The following BDH1 variants were observed in gnomAD, a reference collection of about 807,000 sequenced individuals.
The protein encoded by BDH1 is 3-hydroxybutyrate dehydrogenase 1, also known as D-beta-hydroxybutyrate dehydrogenase, mitochondrial.
BDH1 carries 30 observed loss-of-function variants against 33.1 expected under a neutral mutation model. The ratio of observed to expected loss-of-function variants is 0.91; its 90% CI spans 0.68 to 1.23. The LOEUF is 1.23. BDH1 is among the 50% of genes most tolerant of loss of function. The pLI is 0.00. For missense variants in BDH1, 443 were observed against 464.4 expected (o/e 0.95, Z 0.42); for synonymous variants, 190 against 183.6 (o/e 1.03, Z -0.28).
rs1185091040 is a variant in BDH1, at chr3:197,516,462, C to T, written c.410-2046G>A. On this transcript the variant is annotated intron_variant, in intron 6 of 7. Transcript: ENST00000392379. This position sits in a 1 kb window ranked among gnomAD's most constrained non-coding sequence, Gnocchi z 4.2. ...TGTTGAGAGTGGTGGACCTAGTTGC[C>T]ATCTGGAATCCTCAGCCAATGTTCT... Among the ~76,000 whole-genome samples, 2 of 152,140 alleles carry T rather than the reference C, an allele frequency of 1.3e-5. No homozygotes were observed. Among genetic ancestry groups the T allele is most frequent in the African/African-American group, 4.8e-5 (2 of 41,402 alleles).
intron 4 of BDH1, among the ~76,000 whole-genome samples, chr3:197,533,094 C>T (rs1367722812): frequency 2.0e-5 from 3 of 152,208 alleles, no homozygotes; most frequent in African/African-American, 7.2e-5. Context: ...CCAGGCTGGT[C>T]TTGAACTCCC....
chr3:197,540,804 T>C (rs1715548679), intron 3 of BDH1, among the ~76,000 whole-genome samples: 1 of 152,162 alleles, frequency 6.6e-6, no homozygotes, highest in African/African-American at 2.4e-5. Flanking sequence ...TGAGTCTGGG[T>C]GTATTATACC....
At chr3:197,530,541 A>G (rs911870610) in intron 5 of BDH1, 6 of 151,554 alleles carry the variant, frequency 4.0e-5, no homozygotes, top group African/African-American at 1.5e-4. Flanking sequence ...GGGCCATTGC[A>G]CTCCAGCCTG....
rs57389278 is a variant in BDH1, at chr3:197,510,684, GGT to G, written c.*1209_*1210del. The G allele has an allele frequency of 0.066, 3,884 of 58,658 alleles. 245 individuals carry two copies. Among genetic ancestry groups the G allele is most frequent in the South Asian group, 0.16 (280 of 1,784 alleles). 3.6% of individuals were successfully genotyped at this position (58,658 alleles called of 1,614,324 possible). A position where few individuals can be genotyped will look rare whatever the true frequency, so the allele number is the denominator to read the frequency against. ...TGTGTGTGTGTGTACATGTGTGTAA[GGT>G]GTGTGTGTGTGTGTGTGTGTGTGTG... On this transcript the variant is annotated 3_prime_UTR_variant, in exon 8 of 8. Transcript: ENST00000392379.
rs984885925 is a variant in BDH1 at position 197,515,473 on chromosome 3, C to A, written c.410-1057G>T. On this transcript the variant is annotated intron_variant, in intron 6 of 7. Transcript: ENST00000392379. ...CACCTTCTTCTCTTCCCAGGAGGAG[C>A]AGCAGGCCACTCCCCACCCGTCATG... 20 of 985,594 alleles carry A rather than the reference C, an allele frequency of 2.0e-5. No homozygotes were observed. In the Admixed American group the frequency reaches 9.2e-4, roughly 45 times the overall value. 61.1% of individuals were successfully genotyped at this position (985,594 alleles called of 1,614,324 possible).
chr3:197,542,976 T>C (rs576899914), intron 3 of BDH1: 3 of 985,278 alleles, frequency 3.0e-6, no homozygotes, highest in East Asian at 1.1e-4. Context: ...AAGAGCCTGC[T>C]GTCCTCAGCG....
intron 3 of BDH1, among the ~76,000 whole-genome samples, chr3:197,541,920 G>T (rs1165590815): frequency 6.6e-6 from 1 of 152,204 alleles, no homozygotes; most frequent in East Asian, 1.9e-4. Context: ...GACAGACACT[G>T]CTCTTTGCCT....
intron 1 of BDH1, among the ~76,000 whole-genome samples, chr3:197,562,032 C>T (rs1055918312): frequency 2.6e-5 from 4 of 152,230 alleles, no homozygotes; most frequent in South Asian, 2.1e-4. Context: ...GAGTCGTGGG[C>T]GGATTCTTCT....
chr3:197,556,294 C>T (rs1045809474), upstream of BDH1, among the ~76,000 whole-genome samples: 1 of 152,248 alleles, frequency 6.6e-6, no homozygotes, highest in Non-Finnish European at 1.5e-5. Flanking sequence ...GAGGAAGAGG[C>T]TCTTTCCAGG....
chr3:197,518,581 T>C (rs1204880304), intron 6 of BDH1, among the ~76,000 whole-genome samples: 2 of 8,382 alleles, frequency 2.4e-4, no homozygotes, highest in East Asian at 5.8e-3. Context: ...CCCCTCAGGC[T>C]GACCCCCCCA....
chr3:197,550,706 TG>T (rs1057388177), intron 2 of BDH1, among the ~76,000 whole-genome samples: 25 of 109,510 alleles, frequency 2.3e-4, no homozygotes, highest in Non-Finnish European at 2.5e-4. Flanking sequence ...CTGCAGGGGG[TG>T]GGGGGATAAG....
intron 1 of BDH1, among the ~76,000 whole-genome samples, chr3:197,564,573 A>T (rs990816623): frequency 1.3e-5 from 2 of 152,234 alleles, no homozygotes; most frequent in African/African-American, 2.4e-5. Flanking sequence ...GAAAATGCCA[A>T]TCAAAATAAA....
Position 197,516,594 on chromosome 3 carries a change from A to C in BDH1, c.410-2178T>G, listed in dbSNP as rs1274134060. Among the ~76,000 whole-genome samples, 1 of 151,996 alleles carries C rather than the reference A, an allele frequency of 6.6e-6. No homozygotes were observed. The highest frequency in any genetic ancestry group is 1.5e-5 in the Non-Finnish European group (1 of 67,982). On this transcript the variant is annotated intron_variant, in intron 6 of 7. Transcript: ENST00000392379. The surrounding 1 kb of genome is among the most constrained non-coding windows in gnomAD (Gnocchi z 4.2). ...GGCCCCTCAGTTCTCCTTGGGAGTC[A>C]CGGCTCTCTCTCCTCATCCCATCTC...
chr3:197,552,259 A>T (rs1560339666), intron 2 of BDH1, among the ~76,000 whole-genome samples: 1 of 152,018 alleles, frequency 6.6e-6, no homozygotes, highest in South Asian at 2.1e-4. Flanking sequence ...TATATCTAGG[A>T]TCCTCCGCTA....
chr3:197,519,036 C>T (rs531436775), intron 6 of BDH1, among the ~76,000 whole-genome samples: 2 of 109,950 alleles, frequency 1.8e-5, no homozygotes, highest in South Asian at 7.3e-4. Flanking sequence ...GGTCTCCATC[C>T]CCCGCTCAGG....
Position 197,572,553 on chromosome 3 carries a change from C to T in BDH1, c.-44+628G>A, listed in dbSNP as rs905417962. Among the ~76,000 whole-genome samples the T allele has an allele frequency of 5.9e-4, 89 of 152,060 alleles. 1 individual carries two copies. Among genetic ancestry groups the T allele is most frequent in the African/African-American group, 2.0e-3 (82 of 41,390 alleles). On this transcript the variant is annotated intron_variant, in intron 1 of 6. Transcript: ENST00000358186. ...GTTCATCTGCATCTCATTACTGGGC[C>T]GCAAGAATAAGCAGCCCGACCCTCA...
At chr3:197,524,884 A>G (rs1245645373) in intron 5 of BDH1, among the ~76,000 whole-genome samples, 1 of 152,062 alleles carries the variant, frequency 6.6e-6, no homozygotes, top group Non-Finnish European at 1.5e-5. Flanking sequence ...CTGGTTTTCC[A>G]TGGAAAGGAA....
chr3:197,539,150 T>A (rs547451630), intron 3 of BDH1, among the ~76,000 whole-genome samples: 1 of 152,116 alleles, frequency 6.6e-6, no homozygotes, highest in Non-Finnish European at 1.5e-5. Context: ...ATATTTGAGA[T>A]GAGTTATATT....
At chr3:197,531,836 T>C (rs1156587462) in intron 5 of BDH1, among the ~76,000 whole-genome samples, 1 of 152,170 alleles carries the variant, frequency 6.6e-6, no homozygotes, top group Non-Finnish European at 1.5e-5. Flanking sequence ...CTTCCCTTCA[T>C]GCACCTTAAA....
Sources: gnomAD v4.1 joint callset for allele counts (sites outside exome capture counted in the v4.1 genomes callset) on GRCh38, gnomAD v4.1.1 for gene constraint, Gnocchi (gnomAD v3.1) non-coding constraint, MANE v1.5 for transcripts, NCBI Gene and HGNC (gene_info 2026-07-23, HGNC 2026-07-21) for gene names.